The following SLCO1B1 variants were observed in gnomAD, a reference collection of about 807,000 sequenced individuals.
SLCO1B1 encodes the protein solute carrier organic anion transporter family member 1B1.
In SLCO1B1, 81 loss-of-function variants were observed where a neutral mutation model predicts 70.1. The ratio of observed to expected loss-of-function variants is 1.16; its 90% confidence interval spans 0.97 to 1.39. The LOEUF (loss-of-function observed/expected upper bound fraction) is 1.39, where lower values mean the gene tolerates loss of function less well. SLCO1B1 is among the 40% of genes most tolerant of loss of function. The pLI, the probability that SLCO1B1 is intolerant of heterozygous loss-of-function variation, is 0.00. For synonymous variants in SLCO1B1, 283 were observed against 271.5 expected (o/e 1.04, Z -0.42); for missense variants, 895 against 799.6 (o/e 1.12, Z -1.44).
chr12:21,149,558 C>A (rs1042544458), intron 2 of SLCO1B1, among the ~76,000 whole-genome samples: 1 of 152,038 alleles, frequency 6.6e-6, no homozygotes, highest in Non-Finnish European at 1.5e-5. Flanking sequence ...GGGGGCAAGC[C>A]GAAGCAGGGT....
rs868795455 is a variant in SLCO1B1 at position 21,213,914 on chromosome 12, A to G, written c.1498-3205A>G. Among the ~76,000 whole-genome samples, 1,051 of 148,722 alleles carry G rather than the reference A, an allele frequency of 7.1e-3. 10 individuals carry two copies. The highest frequency in any genetic ancestry group is 0.024 in the African/African-American group (955 of 40,310). ...TTCTCGAGCCTTGGTTTTCAGCTCC[A>G]TCAGCTCCTTTAAGCACTTCTCTGT... On this transcript the variant is annotated intron_variant, in intron 11 of 14. Transcript: ENST00000256958.
At chr12:21,181,894 A>G (rs189508978) in intron 7 of SLCO1B1, among the ~76,000 whole-genome samples, 1 of 152,300 alleles carries the variant, frequency 6.6e-6, no homozygotes, top group Admixed American at 6.5e-5. Context: ...TCATGAGTGC[A>G]TAAAGTATGT....
chr12:21,219,250 T>C (rs774684785), intron 12 of SLCO1B1, among the ~76,000 whole-genome samples: 6 of 152,162 alleles, frequency 3.9e-5, no homozygotes, highest in Non-Finnish European at 8.8e-5. Flanking sequence ...AGTTCAGATA[T>C]GGTGCTTTGG....
In SLCO1B1 at chr12:21,230,756, G is replaced by A. The variant is rs991959101; in HGVS notation, c.1865+5917G>A. Reference sequence around the variant, plus strand: ...ATCTGAAGAAGATTGTAATGATTTGGTATAATTTCTTACTTAAGTGTTTGA... The same window carrying A: ...ATCTGAAGAAGATTGTAATGATTTGATATAATTTCTTACTTAAGTGTTTGA... On this transcript the variant is annotated intron_variant, in intron 14 of 14. Transcript: ENST00000256958. 1.7e-4 allele frequency among the ~76,000 whole-genome samples: 26 copies of A among 152,160 alleles called. No homozygotes were observed. In the East Asian group the frequency reaches 4.8e-3, roughly 28 times the overall value.
intron 2 of SLCO1B1, among the ~76,000 whole-genome samples, chr12:21,167,450 G>A (rs1940699917): frequency 6.6e-6 from 1 of 152,086 alleles, no homozygotes; most frequent in Admixed American, 6.6e-5. Flanking sequence ...AAATGTTGTG[G>A]AACTCTTATT....
rs746610546 is a variant in SLCO1B1 at position 21,172,692 on chromosome 12, C to G, written c.127C>G (p.Leu43Val). 3.7e-6 allele frequency: 6 copies of G among 1,613,738 alleles called. No individual in the cohort carries two copies. The Admixed American group carries it at 8.3e-5, about 22-fold the overall frequency. Residue 43 changes from leucine to valine, a missense_variant, in exon 3 of 15, where the codon CTA becomes GTA. Physicochemically the swap from Leu to Val is conservative, Grantham distance 32. Coordinates refer to ENST00000256958, the MANE Select transcript of SLCO1B1 (RefSeq NM_006446.5). ...ALSLSFIAKT[L>V]GAIIMKSSII... is the part of the protein sequence containing the mutation. ...GTCACTCAGCTTTATTGCTAAGACACTAGGTGCAATTATTATGAAAAGTTC... is the reference window on the plus strand; with the variant it reads ...GTCACTCAGCTTTATTGCTAAGACAGTAGGTGCAATTATTATGAAAAGTTC...
chr12:21,207,543 G>A (rs962715671), intron 11 of SLCO1B1, among the ~76,000 whole-genome samples: 11 of 151,988 alleles, frequency 7.2e-5, no homozygotes, highest in African/African-American at 2.7e-4. Context: ...CACTGTTGAC[G>A]GGCACCCAGG....
intron 14 of SLCO1B1, among the ~76,000 whole-genome samples, chr12:21,232,711 C>G (rs1184884292): frequency 1.6e-5 from 2 of 126,040 alleles, no homozygotes; most frequent in Non-Finnish European, 3.5e-5. Flanking sequence ...GAGAGAGAGA[C>G]AGAAAGACAG....
intron 2 of SLCO1B1, among the ~76,000 whole-genome samples, chr12:21,156,798 C>G (rs1217771343): frequency 6.6e-6 from 1 of 152,152 alleles, no homozygotes; most frequent in East Asian, 1.9e-4. Flanking sequence ...ATTTTAAGTT[C>G]ATCTGAAATG....
At chr12:21,143,705 T>C (rs557087977) in intron 2 of SLCO1B1, among the ~76,000 whole-genome samples, 25 of 152,190 alleles carry the variant, frequency 1.6e-4, no homozygotes, top group African/African-American at 5.3e-4. Context: ...CTCAACTGTA[T>C]TCCATATTGC....
chr12:21,166,296 G>A (rs1235712246), intron 2 of SLCO1B1, among the ~76,000 whole-genome samples: 1 of 152,110 alleles, frequency 6.6e-6, no homozygotes, highest in Non-Finnish European at 1.5e-5. Context: ...AATCTTGACA[G>A]CAACAAGAGT....
At chr12:21,218,907 C>T (rs1308437163) in intron 12 of SLCO1B1, among the ~76,000 whole-genome samples, 1 of 152,118 alleles carries the variant, frequency 6.6e-6, no homozygotes, top group African/African-American at 2.4e-5. Context: ...ATATAAATTT[C>T]AGTTTGTTAA....
At chr12:21,182,790 A>T (rs1940920035) in intron 7 of SLCO1B1, among the ~76,000 whole-genome samples, 1 of 145,762 alleles carries the variant, frequency 6.9e-6, no homozygotes, top group Non-Finnish European at 1.6e-5. Flanking sequence ...ATTGGTGCCC[A>T]GCACTCAAGC....
chr12:21,220,993 A>T (rs1379044946), intron 12 of SLCO1B1, among the ~76,000 whole-genome samples: 2 of 152,174 alleles, frequency 1.3e-5, no homozygotes, highest in Non-Finnish European at 2.9e-5. Context: ...TAAATCAATA[A>T]ATGTGATTTG....
Position 21,200,544 on chromosome 12 carries a change from C to G in SLCO1B1, c.1007C>G (p.Pro336Arg), listed in dbSNP as rs72559747. The G allele has an allele frequency of 1.2e-4, 194 of 1,591,352 alleles. 1 individual carries two copies. In the East Asian group the frequency reaches 4.3e-3, roughly 35 times the overall value. Residue 336 changes from proline to arginine, a missense_variant, in exon 9 of 15, where the codon CCC becomes CGC. By Grantham distance (103) the Pro-to-Arg change is moderately radical. Transcript: ENST00000256958. ...TCTTTTAAAAGCATCCTTACTAATC[C>G]CCTGTATGTTATGTTTGTGCTTTTG... ...FQSFKSILTN[P>R]LYVMFVLLTL...
At chr12:21,167,470 A>G (rs1940700077) in intron 2 of SLCO1B1, among the ~76,000 whole-genome samples, 2 of 152,212 alleles carry the variant, frequency 1.3e-5, no homozygotes, top group South Asian at 4.1e-4. Flanking sequence ...TAGTATCTGC[A>G]GCCACTCTGG....
At chr12:21,136,634 G>A (rs1940226394) in intron 1 of SLCO1B1, among the ~76,000 whole-genome samples, 1 of 152,084 alleles carries the variant, frequency 6.6e-6, no homozygotes, top group South Asian at 2.1e-4. Context: ...AGCTACTGAG[G>A]CTTCTGCATT....
Position 21,217,310 on chromosome 12 carries a change from A to T in SLCO1B1, c.1682+7A>T. 1 of 1,612,082 alleles carries T rather than the reference A, an allele frequency of 6.2e-7. No homozygotes were observed. The highest frequency in any genetic ancestry group is 8.5e-7 in the Non-Finnish European group (1 of 1,178,292). The stretch of plus-strand genomic sequence containing the variant: ...ATGTCATGCTGATTGTTAAGTAAGT[A>T]TGACTTTTAAAAACATTTTCATATG... On this transcript the variant is annotated splice_region_variant and intron_variant, in intron 12 of 14. Transcript: ENST00000256958.
chr12:21,222,397 A>AATATATATATATATATAT (rs751514211), intron 13 of SLCO1B1, 33 bp downstream of exon 13: 18 of 97,726 alleles, frequency 1.8e-4, no homozygotes, highest in Non-Finnish European at 2.8e-4. Context: ...AAAAAAAAAA[A>AATATATATATATATATAT]ATATATATAT....
Sources: allele counts gnomAD v4.1 joint callset (sites outside exome capture counted in the v4.1 genomes callset), GRCh38; gene constraint gnomAD v4.1.1; transcripts MANE v1.5; gene names NCBI Gene and HGNC (gene_info 2026-07-23, HGNC 2026-07-21).